CTNNA3: variants seen among roughly 807,000 people sequenced by gnomAD.
The protein encoded by CTNNA3 is catenin alpha-3.
CTNNA3 carries 76 observed loss-of-function variants against 95.7 expected under a neutral mutation model. That is an observed-to-expected ratio of 0.79 (90% CI 0.66 to 0.96). The LOEUF (loss-of-function observed/expected upper bound fraction) is 0.96. Ranked by LOEUF, CTNNA3 falls within the 40% of genes least tolerant of loss-of-function variation. The pLI, the probability that CTNNA3 is intolerant of heterozygous loss-of-function variation, is 0.00. For missense variants in CTNNA3, 1,191 were observed against 1,089.8 expected, an observed-to-expected ratio of 1.09 and a Z score of -1.31; for synonymous variants, 431 against 374.4, an observed-to-expected ratio of 1.15 and a Z score of -1.74.
intron 15 of CTNNA3, among the ~76,000 whole-genome samples, chr10:65,993,691 C>T (rs776927376): frequency 1.3e-5 from 2 of 152,064 alleles, no homozygotes; most frequent in African/African-American, 2.4e-5. Flanking sequence ...GTGGTCCTTG[C>T]TTTTGGTTTT....
intron 11 of CTNNA3, among the ~76,000 whole-genome samples, chr10:66,513,233 C>T (rs191826309): frequency 2.5e-4 from 38 of 152,212 alleles, no homozygotes; most frequent in Admixed American, 2.4e-3. Context: ...TCGCTTATTT[C>T]AAAAGATCTG....
At chr10:66,240,321 C>G (rs183679121) in intron 13 of CTNNA3, among the ~76,000 whole-genome samples, 1 of 152,010 alleles carries the variant, frequency 6.6e-6, no homozygotes, top group African/African-American at 2.4e-5. Context: ...CTTATGTAAA[C>G]GGCTCATTTG....
intron 1 of CTNNA3, among the ~76,000 whole-genome samples, chr10:67,660,021 T>A (rs1408868803): frequency 6.6e-6 from 1 of 152,234 alleles, no homozygotes; most frequent in African/African-American, 2.4e-5. Context: ...ATATTCATTT[T>A]TCTGTAAATC....
At chr10:67,685,795 T>A (rs1840720281) in intron 1 of CTNNA3, among the ~76,000 whole-genome samples, 1 of 152,220 alleles carries the variant, frequency 6.6e-6, no homozygotes, top group Non-Finnish European at 1.5e-5. Context: ...TTCATCTGTC[T>A]GTCTCTTTCT....
chr10:67,515,221 C>T (rs1839774655), intron 5 of CTNNA3, among the ~76,000 whole-genome samples: 1 of 152,094 alleles, frequency 6.6e-6, no homozygotes, highest in Non-Finnish European at 1.5e-5. Context: ...AAAAACAAAT[C>T]ACCCTATAAA....
At chr10:66,434,168 TAA>T (rs1360126280) in intron 11 of CTNNA3, among the ~76,000 whole-genome samples, 1 of 151,834 alleles carries the variant, frequency 6.6e-6, no homozygotes, top group Admixed American at 6.6e-5. Flanking sequence ...AGTTTTTTTC[TAA>T]TTCTGTGAAA....
At chr10:67,483,374 C>T (rs1454409841) in intron 5 of CTNNA3, among the ~76,000 whole-genome samples, 2 of 144,216 alleles carry the variant, frequency 1.4e-5, no homozygotes, top group African/African-American at 5.5e-5. Context: ...ACCCAAATGT[C>T]CAACAATGAT....
intron 14 of CTNNA3, among the ~76,000 whole-genome samples, chr10:66,070,669 G>A (rs2080416483): frequency 6.6e-6 from 1 of 152,114 alleles, no homozygotes; most frequent in South Asian, 2.1e-4. Context: ...TACTTGGAAT[G>A]CCACTGATTT....
chr10:67,384,466 T>C (rs1021139715), intron 5 of CTNNA3, among the ~76,000 whole-genome samples: 3 of 152,222 alleles, frequency 2.0e-5, no homozygotes, highest in African/African-American at 4.8e-5. Context: ...GACATGGTTT[T>C]TCTTGTTCCA....
chr10:66,894,587 TA>T (rs1228977001), intron 7 of CTNNA3, among the ~76,000 whole-genome samples: 2 of 152,032 alleles, frequency 1.3e-5, no homozygotes, highest in Admixed American at 6.6e-5. Flanking sequence ...AACCGGATGT[TA>T]AAAAAATAAT....
chr10:66,068,823 A>C (rs117852289), intron 15 of CTNNA3, among the ~76,000 whole-genome samples: 583 of 152,334 alleles, frequency 3.8e-3, no homozygotes, highest in Non-Finnish European at 4.3e-3. Flanking sequence ...CAATATGCCC[A>C]CAATGTACAT....
At chr10:67,481,663 G>T (rs1346021822) in intron 5 of CTNNA3, among the ~76,000 whole-genome samples, 2 of 152,200 alleles carry the variant, frequency 1.3e-5, no homozygotes, top group Non-Finnish European at 2.9e-5. Context: ...TTTGTCAGAT[G>T]AGTAGGTTGT....
intron 10 of CTNNA3, among the ~76,000 whole-genome samples, chr10:66,546,716 T>C (rs1361010223): frequency 2.0e-5 from 3 of 152,074 alleles, no homozygotes; most frequent in Non-Finnish European, 4.4e-5. Context: ...GAGGACAGCA[T>C]GGGGGAAGCC....
At chr10:66,085,878 T>G (rs1318094764) in intron 14 of CTNNA3, among the ~76,000 whole-genome samples, 1 of 62,950 alleles carries the variant, frequency 1.6e-5, no homozygotes, top group Non-Finnish European at 3.7e-5. Context: ...TGTTAAAATA[T>G]GGCACAATCA....
intron 10 of CTNNA3, among the ~76,000 whole-genome samples, chr10:66,538,802 C>T (rs1841745323): frequency 6.6e-6 from 1 of 152,074 alleles, no homozygotes; most frequent in Admixed American, 6.6e-5. Context: ...CAAATTCTAT[C>T]CTAGCTAGAG....
intron 13 of CTNNA3, among the ~76,000 whole-genome samples, chr10:66,250,978 C>A (rs959940564): frequency 1.3e-5 from 2 of 152,182 alleles, no homozygotes; most frequent in African/African-American, 2.4e-5. Flanking sequence ...TTCTATACCT[C>A]TCATATTGCC....
At chr10:65,976,711 T>C (rs1408628937) in intron 16 of CTNNA3, among the ~76,000 whole-genome samples, 1 of 152,174 alleles carries the variant, frequency 6.6e-6, no homozygotes, top group Admixed American at 6.5e-5. Context: ...AGAAGCAGAA[T>C]CAGGAGAATG....
At chr10:66,067,522 A>G (rs1475565754) in intron 15 of CTNNA3, among the ~76,000 whole-genome samples, 2 of 152,224 alleles carry the variant, frequency 1.3e-5, no homozygotes, top group African/African-American at 4.8e-5. Context: ...GAAGGCTACC[A>G]TATATACTTG....
intron 9 of CTNNA3, among the ~76,000 whole-genome samples, chr10:66,719,015 C>T (rs1848542941): frequency 1.3e-5 from 2 of 152,214 alleles, no homozygotes; most frequent in Middle Eastern, 3.4e-3. Flanking sequence ...CTGCGCTATC[C>T]GTTCTGCACT....
Sources: allele counts gnomAD v4.1 joint callset (sites outside exome capture counted in the v4.1 genomes callset), GRCh38; gene constraint gnomAD v4.1.1; transcripts MANE v1.5; gene names NCBI Gene and HGNC (gene_info 2026-07-23, HGNC 2026-07-21).